Variants in GRK3 observed in about 807,000 individuals in gnomAD.
GRK3 encodes G protein-coupled receptor kinase 3, also known as adrenergic, beta, receptor kinase 2.
GRK3 carries 54 observed loss-of-function variants against 95.7 expected under a neutral mutation model. That is an observed-to-expected ratio of 0.56 (90% CI 0.45 to 0.71). The LOEUF is 0.71. Ranked by LOEUF, GRK3 falls within the 30% of genes least tolerant of loss-of-function variation. The pLI, the probability that GRK3 is intolerant of heterozygous loss-of-function variation, is 0.00. For synonymous variants in GRK3, 281 were observed against 290.8 expected, an observed-to-expected ratio of 0.97 and a Z score of 0.34; for missense variants, 649 against 851.2, an observed-to-expected ratio of 0.76 and a Z score of 2.96.
intron 10 of GRK3, among the ~76,000 whole-genome samples, 154 bp from the exon 11 acceptor site, chr22:25,687,383 C>G (rs2085124224): frequency 6.6e-6 from 1 of 152,070 alleles, no homozygotes; most frequent in African/African-American, 2.4e-5. Flanking sequence ...AACATTTAAG[C>G]TGTTGCTAAA....
At chr22:25,577,970 T>G in intron 1 of GRK3, among the ~76,000 whole-genome samples, 2 of 152,358 alleles carry the variant, frequency 1.3e-5, no homozygotes, top group Admixed American at 1.3e-4. Flanking sequence ...TTATTTCATA[T>G]AAACAATTAT....
intron 13 of GRK3, among the ~76,000 whole-genome samples, chr22:25,701,365 A>C (rs1333547248): frequency 6.6e-6 from 1 of 152,252 alleles, no homozygotes; most frequent in Non-Finnish European, 1.5e-5. Context: ...AAGAATAATC[A>C]AGAATATATT....
chr22:25,660,513 A>C (rs1349211682), intron 3 of GRK3, among the ~76,000 whole-genome samples: 1 of 152,198 alleles, frequency 6.6e-6, no homozygotes, highest in Non-Finnish European at 1.5e-5. Flanking sequence ...TGAACCTGCT[A>C]GCCCTCATAT....
intron 1 of GRK3, among the ~76,000 whole-genome samples, chr22:25,574,085 T>G (rs1569149175): frequency 6.6e-6 from 1 of 152,226 alleles, no homozygotes; most frequent in Non-Finnish European, 1.5e-5. Context: ...ATTGTGTCAT[T>G]AAGTCGGTCC....
At chr22:25,687,841 C>T (rs892810925) in intron 11 of GRK3, among the ~76,000 whole-genome samples, 174 bp downstream of exon 11, 12 of 152,174 alleles carry the variant, frequency 7.9e-5, no homozygotes, top group East Asian at 3.8e-4. Context: ...TCTGCGGGGA[C>T]GGAGCGCATG....
At chr22:25,577,642 T>C (rs537194476) in intron 1 of GRK3, among the ~76,000 whole-genome samples, 33 of 152,352 alleles carry the variant, frequency 2.2e-4, no homozygotes, top group South Asian at 1.0e-3. Flanking sequence ...AATCCACTTA[T>C]GGCTTTTGCC....
At chr22:25,674,619 C>T (rs1896497367) in intron 8 of GRK3, 91 bp downstream of exon 8, 2 of 984,052 alleles carry the variant, frequency 2.0e-6, no homozygotes, top group Non-Finnish European at 3.1e-6. Flanking sequence ...ATGTGGAAAC[C>T]TATGACATTT....
At chr22:25,669,208 G>C (rs750536874) in intron 6 of GRK3, among the ~76,000 whole-genome samples, 1 of 152,094 alleles carries the variant, frequency 6.6e-6, no homozygotes, top group Non-Finnish European at 1.5e-5. Context: ...CCATGGAAAA[G>C]GTGATTTTTC....
chr22:25,565,372 C>T (rs1274878716), intron 1 of GRK3, among the ~76,000 whole-genome samples: 1 of 152,186 alleles, frequency 6.6e-6, no homozygotes, highest in Non-Finnish European at 1.5e-5. Context: ...CTCCAAAGTG[C>T]CCGGCGCGGC....
In GRK3 at chr22:25,724,424, A is replaced by G. The variant is rs753261717; in HGVS notation, c.*1974A>G. ...TTCAGAAAGATTATTCAACTTTCCC[A>G]TACTTGTTCTAAAATTGAGCTGATC... On this transcript the variant is annotated 3_prime_UTR_variant, in exon 21 of 21. Transcript: ENST00000324198. 1 of 152,222 alleles carries G rather than the reference A, an allele frequency of 6.6e-6. No homozygotes were observed. Among genetic ancestry groups the G allele is most frequent in the African/African-American group, 2.4e-5 (1 of 41,448 alleles). 9.4% of individuals were successfully genotyped at this position (152,222 alleles called of 1,614,324 possible). A position where few individuals can be genotyped will look rare whatever the true frequency, so the allele number is the denominator to read the frequency against.
At chr22:25,692,891 A>G (rs2085176380) in intron 12 of GRK3, among the ~76,000 whole-genome samples, 1 of 152,172 alleles carries the variant, frequency 6.6e-6, no homozygotes, top group Non-Finnish European at 1.5e-5. Flanking sequence ...TTTAGCCACA[A>G]TTTCACCCTG....
intron 2 of GRK3, among the ~76,000 whole-genome samples, chr22:25,609,921 C>T (rs1167133317): frequency 6.8e-6 from 1 of 148,016 alleles, no homozygotes; most frequent in Non-Finnish European, 1.5e-5. Flanking sequence ...GATTTTGGCT[C>T]ACTGCCATCT....
chr22:25,717,538 C>A (rs183432352), intron 18 of GRK3, among the ~76,000 whole-genome samples: 18 of 152,310 alleles, frequency 1.2e-4, no homozygotes, highest in Admixed American at 6.5e-4. Context: ...CTGGAACATG[C>A]CCAGCACCTG....
chr22:25,718,477 G>T, intron 19 of GRK3, 96 bp downstream of exon 19: 2 of 1,319,376 alleles, frequency 1.5e-6, no homozygotes, highest in South Asian at 1.4e-5. Context: ...ACTATCCTCC[G>T]AAACTCTGTG....
intron 1 of GRK3, among the ~76,000 whole-genome samples, chr22:25,569,477 G>A (rs1166746935): frequency 1.1e-4 from 17 of 152,172 alleles, no homozygotes; most frequent in Non-Finnish European, 2.4e-4. Context: ...TCTCTCTGAG[G>A]TACAGGCAGT....
intron 3 of GRK3, chr22:25,648,486 A>C (rs2084803564): frequency 1.4e-6 from 2 of 1,406,270 alleles, no homozygotes; most frequent in South Asian, 1.2e-5. Context: ...GTGGATGGGA[A>C]TATGGAATGG....
intron 7 of GRK3, among the ~76,000 whole-genome samples, chr22:25,674,224 G>A (rs552473926): frequency 6.6e-6 from 1 of 152,220 alleles, no homozygotes; most frequent in African/African-American, 2.4e-5. Context: ...TTGGTGCCTC[G>A]TTTATCCTGG....
At chr22:25,630,786 A>G (rs887076575) in intron 2 of GRK3, among the ~76,000 whole-genome samples, 1 of 152,226 alleles carries the variant, frequency 6.6e-6, no homozygotes, top group Non-Finnish European at 1.5e-5. Flanking sequence ...TAATTAATCT[A>G]GGAATATTTT....
At chr22:25,700,490 T>A (rs1314779057) in intron 13 of GRK3, among the ~76,000 whole-genome samples, 1 of 152,254 alleles carries the variant, frequency 6.6e-6, no homozygotes, top group African/African-American at 2.4e-5. Flanking sequence ...CTATTGAGTT[T>A]GTTCCAGGAG....
Sources: gnomAD v4.1 joint callset for allele counts (sites outside exome capture counted in the v4.1 genomes callset) on GRCh38, gnomAD v4.1.1 for gene constraint, MANE v1.5 for transcripts, NCBI Gene and HGNC (gene_info 2026-07-23, HGNC 2026-07-21) for gene names.